The following PDLIM5 variants were observed in gnomAD, a reference collection of about 807,000 sequenced individuals.
The protein encoded by PDLIM5 is PDZ and LIM domain protein 5.
PDLIM5 carries 34 observed loss-of-function variants against 64.2 expected under a neutral mutation model. The observed-to-expected ratio is 0.53, with a 90% CI of 0.40 to 0.71. The LOEUF (loss-of-function observed/expected upper bound fraction) is 0.71. PDLIM5 is among the 30% of genes least tolerant of loss of function. The pLI, the probability that PDLIM5 is intolerant of heterozygous loss-of-function variation, is 0.00. For synonymous variants in PDLIM5, 253 were observed against 269.1 expected, an observed-to-expected ratio of 0.94 and a Z score of 0.59; for missense variants, 683 against 733.6, an observed-to-expected ratio of 0.93 and a Z score of 0.80.
chr4:94,652,791 A>G (rs183655762), intron 9 of PDLIM5, among the ~76,000 whole-genome samples: 9 of 152,292 alleles, frequency 5.9e-5, no homozygotes, highest in Admixed American at 5.9e-4. Context: ...TAGCTTATAC[A>G]AAATGGCATC....
At chr4:94,635,440 A>G (rs968622740) in intron 8 of PDLIM5, among the ~76,000 whole-genome samples, 2 of 152,146 alleles carry the variant, frequency 1.3e-5, no homozygotes, top group African/African-American at 2.4e-5. Flanking sequence ...GCTCCTGTTT[A>G]ATGTTATCAT....
At chr4:94,514,249 C>T (rs185162614) in intron 2 of PDLIM5, among the ~76,000 whole-genome samples, 4 of 151,432 alleles carry the variant, frequency 2.6e-5, no homozygotes, top group Admixed American at 2.6e-4. Context: ...ATTCTCCTCT[C>T]TCAGCCTCCC....
At chr4:94,564,891 C>T (rs1280505387) in intron 3 of PDLIM5, among the ~76,000 whole-genome samples, 6 of 151,576 alleles carry the variant, frequency 4.0e-5, no homozygotes, top group South Asian at 2.1e-4. Flanking sequence ...CTCCTGACCT[C>T]GTGATCCGCC....
intron 2 of PDLIM5, among the ~76,000 whole-genome samples, chr4:94,507,865 G>T (rs770085179): frequency 1.3e-5 from 2 of 152,180 alleles, no homozygotes; most frequent in African/African-American, 4.8e-5. Context: ...GTGTGCTGGA[G>T]AAATACTCTG....
rs1241177735 is a variant in PDLIM5 at position 94,618,442 on chromosome 4, A to G, written c.1108+251A>G. Reference sequence around the variant, plus strand: ...ATTGGGCATTTCCTTGTTTCCCAGAATAGGAAGCATGTGTTAAATTGTAAA... The same window carrying G: ...ATTGGGCATTTCCTTGTTTCCCAGAGTAGGAAGCATGTGTTAAATTGTAAA... On this transcript the variant is annotated intron_variant, in intron 8 of 12. Coordinates refer to ENST00000317968, the MANE Select transcript of PDLIM5 (RefSeq NM_006457.5). Among the ~76,000 whole-genome samples, 8 of 152,224 alleles carry G rather than the reference A, an allele frequency of 5.3e-5. No homozygotes were observed. The South Asian group carries it at 8.3e-4, about 16-fold the overall frequency.
chr4:94,647,829 G>C (rs924837452), intron 9 of PDLIM5, among the ~76,000 whole-genome samples: 4 of 152,062 alleles, frequency 2.6e-5, no homozygotes, highest in African/African-American at 9.7e-5. Context: ...GACCAGAATG[G>C]AATGAAATTA....
At chr4:94,621,738 A>C (rs1739254938) in intron 8 of PDLIM5, among the ~76,000 whole-genome samples, 1 of 152,250 alleles carries the variant, frequency 6.6e-6, no homozygotes, top group African/African-American at 2.4e-5. Flanking sequence ...GAAATTTGTG[A>C]GAATAATCAA....
intron 4 of PDLIM5, among the ~76,000 whole-genome samples, chr4:94,574,994 GTT>G (rs1224485376): frequency 1.5e-5 from 2 of 136,480 alleles, no homozygotes; most frequent in South Asian, 2.4e-4. Flanking sequence ...CTTTTTTAAA[GTT>G]TTTTTTTTTT....
chr4:94,584,920 AT>A lies in PDLIM5; in HGVS notation c.711-641del. 5.9e-6 allele frequency: 6 copies of A among 1,021,826 alleles called. No homozygotes were observed. The South Asian group carries it at 7.1e-5, about 12-fold the overall frequency. The allele number at this position is 1,021,826 out of a possible 1,614,324, so 63.3% of individuals were successfully genotyped here. A position where few individuals can be genotyped will look rare whatever the true frequency, so the allele number is the denominator to read the frequency against. ...CTAGTTGTTTTCTTTTTTTCTTATC[AT>A]TTTCCTTTCCTTTTTCTTCATGTTG... On this transcript the variant is annotated intron_variant, in intron 5 of 12. Coordinates refer to ENST00000317968, the MANE Select transcript of PDLIM5 (RefSeq NM_006457.5).
intron 8 of PDLIM5, among the ~76,000 whole-genome samples, chr4:94,634,929 T>C (rs1248843708): frequency 6.6e-6 from 1 of 152,222 alleles, no homozygotes; most frequent in Admixed American, 6.5e-5. Context: ...ACTTAACAAA[T>C]TTATACATTG....
chr4:94,532,837 A>G (rs570965618), intron 3 of PDLIM5, among the ~76,000 whole-genome samples: 5 of 152,246 alleles, frequency 3.3e-5, no homozygotes, highest in South Asian at 4.1e-4. Flanking sequence ...CGTCTCTACT[A>G]AAAATACAGA....
At position 94,664,536 on chromosome 4, in the gene PDLIM5, A is replaced by C; in HGVS notation, c.*469A>C. On this transcript the variant is annotated 3_prime_UTR_variant, in exon 13 of 13. Transcript: ENST00000317968. ...TCTTTAAAATAGTAAATAGGATTTT[A>C]AACAGAGAATTTTATCAGTAATAGG... 1 of 816,164 alleles carries C rather than the reference A, an allele frequency of 1.2e-6. No homozygotes were observed. The highest frequency in any genetic ancestry group is 1.5e-6 in the Non-Finnish European group (1 of 675,882). The allele number at this position is 816,164 out of a possible 1,614,324, so 50.6% of individuals were successfully genotyped here.
At chr4:94,576,058 C>T in intron 5 of PDLIM5, 24 bp downstream of exon 5, 1 of 1,583,530 alleles carries the variant, frequency 6.3e-7, no homozygotes, top group Non-Finnish European at 8.6e-7. Context: ...GTGCTTTCTG[C>T]TCTTACTAAA....
intron 7 of PDLIM5, among the ~76,000 whole-genome samples, chr4:94,601,591 G>C (rs1225471499): frequency 1.3e-5 from 2 of 152,072 alleles, no homozygotes; most frequent in African/African-American, 2.4e-5. Context: ...ACCTCATTTT[G>C]GGTAGTATTT....
At chr4:94,552,959 T>C (rs1291430295) in intron 3 of PDLIM5, among the ~76,000 whole-genome samples, 1 of 152,080 alleles carries the variant, frequency 6.6e-6, no homozygotes, top group Non-Finnish European at 1.5e-5. Context: ...GAAGAATAGC[T>C]AGAAGTATAG....
intron 7 of PDLIM5, among the ~76,000 whole-genome samples, chr4:94,616,816 G>C (rs923030574): frequency 2.6e-5 from 4 of 152,190 alleles, no homozygotes; most frequent in Admixed American, 6.5e-5. Context: ...CATTCTTACT[G>C]TTTTTCAAAA....
In PDLIM5 at chr4:94,607,534, T is replaced by TA. The variant is rs748521557; in HGVS notation, c.921-10469dup. ...ATAAAATAGTTTGTTTACATCAAGA[T>TA]ACACAACATCCATATAACTTCAGAT... On this transcript the variant is annotated intron_variant, in intron 7 of 12. Coordinates refer to ENST00000317968, the MANE Select transcript of PDLIM5 (RefSeq NM_006457.5). Among the ~76,000 whole-genome samples the TA allele has an allele frequency of 3.6e-4, 55 of 152,352 alleles. 1 individual carries two copies. Among genetic ancestry groups the TA allele is most frequent in the Middle Eastern group, 3.4e-3 (1 of 294 alleles).
At chr4:94,606,490 G>T (rs566179783) in intron 7 of PDLIM5, among the ~76,000 whole-genome samples, 4 of 152,094 alleles carry the variant, frequency 2.6e-5, no homozygotes, top group Non-Finnish European at 5.9e-5. Context: ...AGGCCAGGAG[G>T]GGGATAGAAG....
At chr4:94,481,713 ATTC>A (rs1002180239) in intron 2 of PDLIM5, among the ~76,000 whole-genome samples, 1 of 150,826 alleles carries the variant, frequency 6.6e-6, no homozygotes, top group African/African-American at 2.4e-5. Context: ...GGTTCACGCC[ATTC>A]TTCTGCCTCA....
Sources: gnomAD v4.1 joint callset for allele counts (sites outside exome capture counted in the v4.1 genomes callset) on GRCh38, gnomAD v4.1.1 for gene constraint, MANE v1.5 for transcripts, NCBI Gene and HGNC (gene_info 2026-07-23, HGNC 2026-07-21) for gene names.